NINJ2: variants seen among roughly 807,000 people sequenced by gnomAD.
NINJ2 encodes ninjurin-2.
A neutral mutation model predicts 11.7 loss-of-function variants in NINJ2; 12 were observed. That is an observed-to-expected ratio of 1.02 (90% confidence interval 0.66 to 1.66). NINJ2 has a LOEUF of 1.66. Among genes scored for constraint, NINJ2 ranks in the 40% most tolerant of loss-of-function variants. The pLI is 0.00. For missense variants in NINJ2, 187 were observed against 181.8 expected (o/e 1.03, Z -0.16); for synonymous variants, 93 against 76.8 (o/e 1.21, Z -1.10).
intron 1 of NINJ2, among the ~76,000 whole-genome samples, chr12:651,402 A>G (rs1937783528): frequency 6.6e-6 from 1 of 152,186 alleles, no homozygotes; most frequent in South Asian, 2.1e-4. Flanking sequence ...TACTAGACGC[A>G]TTTGTGATGT....
chr12:586,514 C>T (rs554969923), intron 1 of NINJ2: 9 of 152,400 alleles, frequency 5.9e-5, no homozygotes, highest in East Asian at 1.9e-4. Context: ...CAAAGGCCAA[C>T]GCCTTCACTG....
Position 565,331 on chromosome 12 carries a change from C to G in NINJ2, c.333G>C (p.Leu111Phe), listed in dbSNP as rs760192091. 3 of 1,614,064 alleles carry G rather than the reference C, an allele frequency of 1.9e-6. No individual in the cohort carries two copies. The highest frequency in any genetic ancestry group is 2.7e-5 in the African/African-American group (2 of 74,918). Residue 111 changes from leucine (L) to phenylalanine (F), a missense_variant, in exon 3 of 4, where the codon TTG becomes TTC. Coordinates refer to ENST00000305108, the MANE Select transcript of NINJ2 (RefSeq NM_016533.6). ...LNQLNNAATI[L>F]VFFTVVINVF... ...CATTGATGACCACAGTGAAGAAGAC[C>G]AAGATGGTGGCTGCGTTGTTGAGCT... is the stretch of plus-strand genomic sequence containing the variant.
At chr12:660,656 A>G (rs994674561) in intron 1 of NINJ2, among the ~76,000 whole-genome samples, 4 of 151,882 alleles carry the variant, frequency 2.6e-5, no homozygotes, top group African/African-American at 9.7e-5. Context: ...GCTCTTTCTA[A>G]TGAATACTGA....
intron 1 of NINJ2, among the ~76,000 whole-genome samples, chr12:647,281 T>A (rs1228769406): frequency 6.6e-6 from 1 of 152,236 alleles, no homozygotes; most frequent in Admixed American, 6.5e-5. Flanking sequence ...ACCCGAGCCC[T>A]TCATTATGCT....
rs148753958 is a variant in NINJ2 at position 565,345 on chromosome 12, C to T, written c.319G>A (p.Ala107Thr). ...KQWRLNQLNN[A>T]ATILVFFTVV... ...GTGAAGAAGACCAAGATGGTGGCTG[C>T]GTTGTTGAGCTGGTTGAGTCGCCAC... is the stretch of plus-strand genomic sequence containing the variant. The change falls in exon 3 of 4, where the codon GCA becomes ACA. Residue 107 changes from alanine to threonine, a missense_variant. Transcript: ENST00000305108. The T allele has an allele frequency of 1.5e-5, 24 of 1,614,030 alleles. No individual in the cohort carries two copies. Among genetic ancestry groups the T allele is most frequent in the Middle Eastern group, 1.6e-4 (1 of 6,084 alleles).
At chr12:638,442 G>A (rs1431021095) in intron 1 of NINJ2, among the ~76,000 whole-genome samples, 1 of 152,090 alleles carries the variant, frequency 6.6e-6, no homozygotes. Context: ...TTGAGACGGA[G>A]TCTCGCTCTG....
intron 1 of NINJ2, among the ~76,000 whole-genome samples, chr12:610,927 G>C (rs927142769): frequency 6.6e-6 from 1 of 152,028 alleles, no homozygotes; most frequent in Non-Finnish European, 1.5e-5. Flanking sequence ...TAGAGACGGG[G>C]TTTCACCATG....
Position 623,292 on chromosome 12 carries a change from C to T in NINJ2, c.33+40036G>A, listed in dbSNP as rs546075499. Among the ~76,000 whole-genome samples, 4 of 152,284 alleles carry T rather than the reference C, an allele frequency of 2.6e-5. No individual in the cohort carries two copies. The East Asian group carries it at 7.7e-4, about 29-fold the overall frequency. ...GACCTGTGGTCCTTGAAGTGGAAAGCTGCTCCCATCTCTAGGAAGGATCTC... is the reference window on the plus strand; with the variant it reads ...GACCTGTGGTCCTTGAAGTGGAAAGTTGCTCCCATCTCTAGGAAGGATCTC... On this transcript the variant is annotated intron_variant, in intron 1 of 3. Coordinates refer to ENST00000305108, the MANE Select transcript of NINJ2 (RefSeq NM_016533.6).
At chr12:577,430 C>CATATATATGTGT in intron 1 of NINJ2, among the ~76,000 whole-genome samples, 2 of 93,984 alleles carry the variant, frequency 2.1e-5, no homozygotes, top group African/African-American at 7.3e-5. Context: ...TATATATATA[C>CATATATATGTGT]ATATATATAT....
chr12:613,809 G>A (rs1453578281), intron 1 of NINJ2, among the ~76,000 whole-genome samples: 1 of 152,162 alleles, frequency 6.6e-6, no homozygotes, highest in Non-Finnish European at 1.5e-5. Context: ...GGAGGCTGAG[G>A]CAGGAGAATG....
At chr12:635,755 C>G (rs192224811) in intron 1 of NINJ2, among the ~76,000 whole-genome samples, 1 of 152,314 alleles carries the variant, frequency 6.6e-6, no homozygotes, top group Admixed American at 6.5e-5. Context: ...AAATACAGAA[C>G]TTGCGCACCA....
At chr12:653,061 C>G (rs1937819602) in intron 1 of NINJ2, among the ~76,000 whole-genome samples, 1 of 125,164 alleles carries the variant, frequency 8.0e-6, no homozygotes, top group Non-Finnish European at 1.6e-5. Flanking sequence ...TGCTCTGTCA[C>G]CCAGGCTGGA....
At chr12:579,032 T>C (rs1430914557) in intron 1 of NINJ2, among the ~76,000 whole-genome samples, 1 of 152,240 alleles carries the variant, frequency 6.6e-6, no homozygotes, top group East Asian at 1.9e-4. Context: ...TGGAAAGGAC[T>C]TTCAGAACAA....
At chr12:579,482 C>CACAAA (rs1405268767) in intron 1 of NINJ2, among the ~76,000 whole-genome samples, 6 of 147,884 alleles carry the variant, frequency 4.1e-5, no homozygotes, top group South Asian at 2.2e-4. Flanking sequence ...CATGGAGTCA[C>CACAAA]ACAAAACAAA....
chr12:594,204 G>A (rs942792044), intron 1 of NINJ2, among the ~76,000 whole-genome samples: 9 of 151,664 alleles, frequency 5.9e-5, no homozygotes, highest in Middle Eastern at 3.4e-3. Context: ...AAAGAAAATC[G>A]AAAATAATAA....
intron 1 of NINJ2, chr12:586,205 C>T (rs976237728): frequency 2.0e-5 from 3 of 152,280 alleles, no homozygotes; most frequent in African/African-American, 7.2e-5. Context: ...CTTCTCAGCA[C>T]AGGGCCCTCC....
rs1176360500 is a variant in NINJ2 at position 585,134 on chromosome 12, A to G, written c.34-18956T>C. Among the ~76,000 whole-genome samples the G allele has an allele frequency of 2.6e-5, 4 of 152,214 alleles. No homozygotes were observed. Among genetic ancestry groups the G allele is most frequent in the Non-Finnish European group, 4.4e-5 (3 of 68,026 alleles). On this transcript the variant is annotated intron_variant, in intron 1 of 3. Transcript: ENST00000305108. The surrounding 1 kb of genome is among the most constrained non-coding windows in gnomAD (Gnocchi z 4.1). Reference sequence around the variant, plus strand: ...ACTCCGTCTCAATAAACACATAAATAAAAGCAAATCCTTCTTTTCGCTAAG... The same window carrying G: ...ACTCCGTCTCAATAAACACATAAATGAAAGCAAATCCTTCTTTTCGCTAAG...
At chr12:569,428 C>T (rs1947347685) in intron 1 of NINJ2, among the ~76,000 whole-genome samples, 1 of 152,218 alleles carries the variant, frequency 6.6e-6, no homozygotes, top group Non-Finnish European at 1.5e-5. Context: ...TCAACTGTGC[C>T]CCCTGGCCTC....
At position 591,798 on chromosome 12, in the gene NINJ2, T is replaced by G. The variant is rs1441619572; in HGVS notation, c.34-25620A>C. Among the ~76,000 whole-genome samples the G allele has an allele frequency of 6.6e-6, 1 of 152,184 alleles. No homozygotes were observed. The highest frequency in any genetic ancestry group is 1.5e-5 in the Non-Finnish European group (1 of 68,038). On this transcript the variant is annotated intron_variant, in intron 1 of 3. Coordinates refer to ENST00000305108, the MANE Select transcript of NINJ2 (RefSeq NM_016533.6). This position sits in a 1 kb window ranked among gnomAD's most constrained non-coding sequence, Gnocchi z 5.0. ...GCTGCAAGGGCCAAGGGTGTTTCTT[T>G]AGAGATATTTCTCAGGTTCTGGGCC...
Sources: allele counts gnomAD v4.1 joint callset (sites outside exome capture counted in the v4.1 genomes callset), GRCh38; gene constraint gnomAD v4.1.1; non-coding constraint Gnocchi (gnomAD v3.1); transcripts MANE v1.5; gene names NCBI Gene and HGNC (gene_info 2026-07-23, HGNC 2026-07-21).